Variants in SLCO1B3 observed in about 807,000 individuals in gnomAD.
SLCO1B3 encodes solute carrier organic anion transporter family member 1B3.
A neutral mutation model predicts 71.8 loss-of-function variants in SLCO1B3; 72 were observed. That is an observed-to-expected ratio of 1.00 (90% CI 0.83 to 1.22). SLCO1B3 has a LOEUF of 1.22. Ranked by LOEUF, SLCO1B3 falls within the 50% of genes most tolerant of loss-of-function variation. The probability of loss-of-function intolerance (pLI) is 0.00; values close to 1 mark genes in which losing one functional copy is unlikely to be tolerated. For synonymous variants in SLCO1B3, 298 were observed against 278.4 expected (o/e 1.07, Z -0.70); for missense variants, 911 against 819.7 (o/e 1.11, Z -1.36).
Position 20,830,944 on chromosome 12 carries a change from A to G in SLCO1B3, c.84+15122A>G, listed in dbSNP as rs1452771331. On this transcript the variant is annotated intron_variant, in intron 3 of 15. Coordinates refer to ENST00000381545, the MANE Select transcript of SLCO1B3 (RefSeq NM_019844.4). ...TGATTTCACTTTCATGTGCATAGCAAAGTGACAACAAACTGGTGGAAGAAA... is the reference window on the plus strand; with the variant it reads ...TGATTTCACTTTCATGTGCATAGCAGAGTGACAACAAACTGGTGGAAGAAA... 2.6e-5 allele frequency among the ~76,000 whole-genome samples: 4 copies of G among 152,234 alleles called. No homozygotes were observed. The East Asian group carries it at 7.7e-4, about 29-fold the overall frequency.
rs532881146 is a variant in SLCO1B3 at position 20,897,201 on chromosome 12, G to A, written c.1683-1235G>A. 5.3e-5 allele frequency among the ~76,000 whole-genome samples: 8 copies of A among 152,278 alleles called. No individual in the cohort carries two copies. In the East Asian group the frequency reaches 1.5e-3, roughly 29 times the overall value. ...AGTGCTGCTGTCCTTTGTCAAAGCA[G>A]GGCCAAAACACACTTTCTGTTTATT... On this transcript the variant is annotated intron_variant, in intron 13 of 15. Transcript: ENST00000381545.
chr12:20,909,455 G>T (rs1013242318), intron 15 of SLCO1B3, among the ~76,000 whole-genome samples: 7 of 151,624 alleles, frequency 4.6e-5, no homozygotes, highest in African/African-American at 1.7e-4. Context: ...TTACAGGTGT[G>T]AGCCACCACA....
At chr12:20,822,950 C>G (rs1046579969) in intron 3 of SLCO1B3, among the ~76,000 whole-genome samples, 7 of 152,064 alleles carry the variant, frequency 4.6e-5, no homozygotes, top group Non-Finnish European at 1.0e-4. Context: ...AAGAAAATTA[C>G]TCCCTGGTCT....
At chr12:20,861,513 C>G (rs1042581200) in intron 6 of SLCO1B3, among the ~76,000 whole-genome samples, 1 of 151,854 alleles carries the variant, frequency 6.6e-6, no homozygotes, top group South Asian at 2.1e-4. Flanking sequence ...TATTGTATAC[C>G]AAGGGCATTT....
Position 20,916,358 on chromosome 12 carries a change from A to C in SLCO1B3, c.*111A>C. On this transcript the variant is annotated 3_prime_UTR_variant, in exon 16 of 16. Coordinates refer to ENST00000381545, the MANE Select transcript of SLCO1B3 (RefSeq NM_019844.4). ...CAATGGATAAGTCTATGCATCTATAATAAACTATAAAAAATGGGAGTACCC... is the reference window on the plus strand; with the variant it reads ...CAATGGATAAGTCTATGCATCTATACTAAACTATAAAAAATGGGAGTACCC... The C allele has an allele frequency of 9.9e-7, 1 of 1,010,304 alleles. No individual in the cohort carries two copies. The highest frequency in any genetic ancestry group is 1.5e-6 in the Non-Finnish European group (1 of 684,650). 62.6% of individuals were successfully genotyped at this position (1,010,304 alleles called of 1,614,324 possible).
chr12:20,832,498 T>TAA (rs11305410), intron 3 of SLCO1B3, among the ~76,000 whole-genome samples: 7 of 150,028 alleles, frequency 4.7e-5, no homozygotes, highest in Admixed American at 2.0e-4. Context: ...TAATGATTAT[T>TAA]AAAAAAAAAA....
At chr12:20,878,232 T>G (rs1038600773) in intron 10 of SLCO1B3, among the ~76,000 whole-genome samples, 1 of 152,064 alleles carries the variant, frequency 6.6e-6, no homozygotes, top group African/African-American at 2.4e-5. Flanking sequence ...ATCTGCATAA[T>G]TGGATCTTAT....
At chr12:20,915,440 G>C (rs1341352121) in intron 15 of SLCO1B3, among the ~76,000 whole-genome samples, 1 of 152,078 alleles carries the variant, frequency 6.6e-6, no homozygotes, top group African/African-American at 2.4e-5. Context: ...TTCCATCCCT[G>C]ATATTCCCTG....
At chr12:20,887,177 G>A (rs1361289090) in intron 13 of SLCO1B3, among the ~76,000 whole-genome samples, 2 of 151,988 alleles carry the variant, frequency 1.3e-5, no homozygotes, top group Non-Finnish European at 2.9e-5. Context: ...CTGTAGATAA[G>A]CATACAAGTC....
At chr12:20,870,413 A>C (rs1464107368) in intron 8 of SLCO1B3, among the ~76,000 whole-genome samples, 2 of 152,146 alleles carry the variant, frequency 1.3e-5, no homozygotes, top group African/African-American at 4.8e-5. Context: ...TGTCAAGACA[A>C]ATGTAATGAA....
intron 3 of SLCO1B3, among the ~76,000 whole-genome samples, chr12:20,839,905 G>A (rs2121166661): frequency 6.6e-6 from 1 of 152,172 alleles, no homozygotes; most frequent in Non-Finnish European, 1.5e-5. Context: ...ATATTCTGAA[G>A]CTCATATAGC....
rs760497665 is a variant in SLCO1B3 at position 20,862,810 on chromosome 12, C to A, written c.683C>A (p.Ser228Tyr). Reference protein sequence around the residue: ...IGPVIGFALGSLFAKMYVDIG... With the variant: ...IGPVIGFALGYLFAKMYVDIG... ...CCAGTCATTGGCTTTGCACTGGGAT[C>A]TCTGTTTGCTAAAATGTACGTGGAT... Residue 228 changes from serine (S) to tyrosine (Y), a missense_variant, in exon 8 of 16, where the codon TCT becomes TAT. Coordinates refer to ENST00000381545, the MANE Select transcript of SLCO1B3 (RefSeq NM_019844.4). The A allele has an allele frequency of 9.9e-6, 16 of 1,611,218 alleles. No individual in the cohort carries two copies. The highest frequency in any genetic ancestry group is 2.7e-5 in the African/African-American group (2 of 74,852).
At chr12:20,895,780 G>T (rs1206269321) in intron 13 of SLCO1B3, among the ~76,000 whole-genome samples, 2 of 152,174 alleles carry the variant, frequency 1.3e-5, no homozygotes, top group Non-Finnish European at 2.9e-5. Flanking sequence ...TGATGGCTTT[G>T]ACCTGACATT....
chr12:20,879,205 C>CTATTT (rs2045084159), intron 10 of SLCO1B3, among the ~76,000 whole-genome samples: 1 of 95,208 alleles, frequency 1.1e-5, no homozygotes, highest in East Asian at 3.1e-4. Context: ...ACCCTTCTCT[C>CTATTT]TTTTTTTTTT....
intron 9 of SLCO1B3, 102 bp downstream of exon 9, chr12:20,875,579 C>T: frequency 8.4e-7 from 1 of 1,189,872 alleles, no homozygotes; most frequent in Non-Finnish European, 1.2e-6. Context: ...CTAGAGTCAG[C>T]TTTCTTCTCT....
chr12:20,907,129 G>A (rs1866261699), intron 15 of SLCO1B3, among the ~76,000 whole-genome samples: 1 of 152,178 alleles, frequency 6.6e-6, no homozygotes, highest in South Asian at 2.1e-4. Context: ...AAAAATGTGT[G>A]CGGAATATGC....
intron 15 of SLCO1B3, among the ~76,000 whole-genome samples, chr12:20,907,953 G>A (rs991439908): frequency 6.6e-5 from 10 of 152,108 alleles, no homozygotes; most frequent in African/African-American, 1.7e-4. Context: ...GAATCTCCCC[G>A]AAGCAATAAT....
intron 3 of SLCO1B3, among the ~76,000 whole-genome samples, chr12:20,826,469 GAATT>G (rs780957363): frequency 6.6e-6 from 1 of 151,894 alleles, no homozygotes; most frequent in Admixed American, 6.6e-5. Context: ...ATTCTTTAGT[GAATT>G]AATTCTTTTT....
chr12:20,891,938 T>C (rs1179494589), intron 13 of SLCO1B3, among the ~76,000 whole-genome samples: 1 of 152,050 alleles, frequency 6.6e-6, no homozygotes, highest in Non-Finnish European at 1.5e-5. Flanking sequence ...TTTTCATTTA[T>C]TTTTGGTAAT....
Sources: allele counts gnomAD v4.1 joint callset (sites outside exome capture counted in the v4.1 genomes callset), GRCh38; gene constraint gnomAD v4.1.1; transcripts MANE v1.5; gene names NCBI Gene and HGNC (gene_info 2026-07-23, HGNC 2026-07-21).